Variants in PDE4D observed in about 807,000 individuals in gnomAD.
The protein encoded by PDE4D is 3',5'-cyclic-AMP phosphodiesterase 4D.
PDE4D carries 24 observed loss-of-function variants against 87.4 expected under a neutral mutation model. The observed-to-expected ratio is 0.27, with a 90% CI of 0.20 to 0.39. PDE4D has a LOEUF of 0.39. Among genes scored for constraint, PDE4D ranks in the 10% least tolerant of loss-of-function variants. The pLI is 1.00. For synonymous variants in PDE4D, 384 were observed against 383.2 expected (o/e 1.00, Z -0.02); for missense variants, 714 against 1,041.0 (o/e 0.69, Z 4.32).
chr5:60,071,194 C>A (rs1003729403), intron 2 of PDE4D, among the ~76,000 whole-genome samples: 1 of 151,642 alleles, frequency 6.6e-6, no homozygotes, highest in Non-Finnish European at 1.5e-5. Context: ...TCATGTATTT[C>A]TGCTCAAATC....
At chr5:59,720,481 G>C (rs946941603) in intron 1 of PDE4D, among the ~76,000 whole-genome samples, 2 of 152,132 alleles carry the variant, frequency 1.3e-5, no homozygotes, top group Admixed American at 6.6e-5. Context: ...AAGAGTACCT[G>C]AGCAAGAGCA....
chr5:59,948,203 T>A (rs1426346893), intron 3 of PDE4D, among the ~76,000 whole-genome samples: 1 of 152,200 alleles, frequency 6.6e-6, no homozygotes, highest in African/African-American at 2.4e-5. Context: ...TTCCCACTCT[T>A]GAGTTATTCT....
At chr5:59,644,965 C>A (rs115784553) in intron 1 of PDE4D, among the ~76,000 whole-genome samples, 2 of 152,274 alleles carry the variant, frequency 1.3e-5, no homozygotes, top group East Asian at 1.9e-4. Context: ...TGGAGCCCAG[C>A]TGTTTGCCCC....
intron 1 of PDE4D, among the ~76,000 whole-genome samples, chr5:60,214,118 C>G (rs11745887): frequency 0.13 from 20,072 of 152,072 alleles, 1,483 homozygotes; most frequent in African/African-American, 0.2. Flanking sequence ...GCTAAGATCA[C>G]AAATAAAATG....
At chr5:59,492,914 C>T (rs1455889892) in intron 1 of PDE4D, among the ~76,000 whole-genome samples, 6 of 152,106 alleles carry the variant, frequency 3.9e-5, no homozygotes, top group African/African-American at 1.4e-4. Context: ...ATATAAGACG[C>T]GACTTGCTCC....
At chr5:60,043,153 C>A (rs1322522467) in intron 2 of PDE4D, among the ~76,000 whole-genome samples, 1 of 151,360 alleles carries the variant, frequency 6.6e-6, no homozygotes, top group Non-Finnish European at 1.5e-5. Context: ...GAAGCATACA[C>A]AAGTATCAAT....
chr5:60,425,104 C>G (rs1276195646), intron 1 of PDE4D, among the ~76,000 whole-genome samples: 1 of 152,180 alleles, frequency 6.6e-6, no homozygotes, highest in East Asian at 1.9e-4. Flanking sequence ...AACGGCCACA[C>G]TGCCCAAGGT....
chr5:59,336,273 C>T (rs1323747604), intron 1 of PDE4D, among the ~76,000 whole-genome samples: 1 of 152,162 alleles, frequency 6.6e-6, no homozygotes, highest in Non-Finnish European at 1.5e-5. Flanking sequence ...TTTCACAAGG[C>T]AAGACAGCCA....
chr5:59,739,085 T>C (rs1440563177), intron 1 of PDE4D, among the ~76,000 whole-genome samples: 1 of 152,084 alleles, frequency 6.6e-6, no homozygotes, highest in South Asian at 2.1e-4. Context: ...ATAAATTAGA[T>C]GGCAAGCAAC....
chr5:60,034,036 C>T (rs1225672236), intron 2 of PDE4D, among the ~76,000 whole-genome samples: 2 of 152,286 alleles, frequency 1.3e-5, no homozygotes, highest in Non-Finnish European at 1.5e-5. Flanking sequence ...CTGAGATGAT[C>T]TTGTCCTCCC....
At chr5:59,431,912 G>C (rs1054930188) in intron 1 of PDE4D, among the ~76,000 whole-genome samples, 9 of 152,020 alleles carry the variant, frequency 5.9e-5, no homozygotes, top group Non-Finnish European at 1.2e-4. Flanking sequence ...GTTTGCTAAG[G>C]ATAATAGCCT....
chr5:59,256,413 C>T (rs574422173), intron 1 of PDE4D, among the ~76,000 whole-genome samples: 1 of 152,104 alleles, frequency 6.6e-6, no homozygotes, highest in African/African-American at 2.4e-5. Context: ...GAGTGCTCTG[C>T]AGATTTAAAA....
At chr5:60,112,557 G>A (rs115170386) in intron 2 of PDE4D, among the ~76,000 whole-genome samples, 1 of 152,060 alleles carries the variant, frequency 6.6e-6, no homozygotes, top group Non-Finnish European at 1.5e-5. Flanking sequence ...ATTCTACTTA[G>A]TCAAAATAGC....
At chr5:60,095,266 G>T (rs1427542609) in intron 2 of PDE4D, among the ~76,000 whole-genome samples, 1 of 152,090 alleles carries the variant, frequency 6.6e-6, no homozygotes, top group African/African-American at 2.4e-5. Flanking sequence ...TGTTCTCTTT[G>T]TTCAGCTCCC....
At chr5:59,691,764 T>A (rs1750986188) in intron 1 of PDE4D, among the ~76,000 whole-genome samples, 1 of 151,718 alleles carries the variant, frequency 6.6e-6, no homozygotes, top group South Asian at 2.1e-4. Context: ...TATTTTAAGA[T>A]GATCTAGCCA....
chr5:59,401,482 A>ATCTGTCTGTCTGTCTG (rs1291212824), intron 1 of PDE4D, among the ~76,000 whole-genome samples: 102 of 135,834 alleles, frequency 7.5e-4, no homozygotes, highest in Middle Eastern at 3.8e-3. Flanking sequence ...CTATCTATCT[A>ATCTGTCTGTCTGTCTG]TCTATTTTGA....
At chr5:59,546,870 T>C (rs1396390866) in intron 1 of PDE4D, among the ~76,000 whole-genome samples, 1 of 152,176 alleles carries the variant, frequency 6.6e-6, no homozygotes, top group Non-Finnish European at 1.5e-5. Context: ...ACTGAGTTAG[T>C]ACTGAATTAA....
At chr5:60,351,452 T>G (rs930545716) in intron 1 of PDE4D, among the ~76,000 whole-genome samples, 2 of 151,932 alleles carry the variant, frequency 1.3e-5, no homozygotes, top group African/African-American at 4.8e-5. Context: ...GGAAGGAGAG[T>G]ACTTCTCCCT....
intron 3 of PDE4D, among the ~76,000 whole-genome samples, chr5:59,984,507 C>T (rs1762216510): frequency 6.6e-6 from 1 of 152,176 alleles, no homozygotes; most frequent in Non-Finnish European, 1.5e-5. Flanking sequence ...ACAGCATACA[C>T]ACAACCTAAC....
Sources: allele counts gnomAD v4.1 joint callset (sites outside exome capture counted in the v4.1 genomes callset), GRCh38; gene constraint gnomAD v4.1.1; transcripts MANE v1.5; gene names NCBI Gene and HGNC (gene_info 2026-07-23, HGNC 2026-07-21).